The following ZMAT4 variants were observed in gnomAD, a reference collection of about 807,000 sequenced individuals.
ZMAT4 encodes zinc finger matrin-type protein 4.
Under a neutral mutation model 28.7 loss-of-function variants are expected in ZMAT4, and 17 were observed. That is an observed-to-expected ratio of 0.59 (90% CI 0.41 to 0.89). The LOEUF (loss-of-function observed/expected upper bound fraction) is 0.89, where lower values mean the gene tolerates loss of function less well. Ranked by LOEUF, ZMAT4 falls within the 40% of genes least tolerant of loss-of-function variation. The pLI, the probability that ZMAT4 is intolerant of heterozygous loss-of-function variation, is 0.00. For synonymous variants in ZMAT4, 117 were observed against 109.2 expected (o/e 1.07, Z -0.44); for missense variants, 240 against 283.8 (o/e 0.85, Z 1.11).
At chr8:40,662,206 C>A (rs564830499) in intron 5 of ZMAT4, among the ~76,000 whole-genome samples, 1 of 152,000 alleles carries the variant, frequency 6.6e-6, no homozygotes, top group South Asian at 2.1e-4. Flanking sequence ...CTCTCGAATT[C>A]CCGTGCTCAA....
At chr8:40,827,524 A>T (rs1816108742) in intron 1 of ZMAT4, among the ~76,000 whole-genome samples, 1 of 152,214 alleles carries the variant, frequency 6.6e-6, no homozygotes, top group Non-Finnish European at 1.5e-5. Flanking sequence ...GTCTGCCTCA[A>T]GTACTCCAAT....
At chr8:40,845,613 T>C (rs187909648) in intron 1 of ZMAT4, among the ~76,000 whole-genome samples, 3 of 151,888 alleles carry the variant, frequency 2.0e-5, no homozygotes, top group East Asian at 3.9e-4. Context: ...CAGGGGCTTA[T>C]GTTCAGGCAA....
chr8:40,640,940 T>C (rs1372832455), intron 5 of ZMAT4, among the ~76,000 whole-genome samples: 1 of 137,226 alleles, frequency 7.3e-6, no homozygotes, highest in East Asian at 2.1e-4. Context: ...GCCTGGTTGA[T>C]GGGGGAGACT....
chr8:40,578,678 G>A (rs1585708837), intron 6 of ZMAT4, among the ~76,000 whole-genome samples: 1 of 152,098 alleles, frequency 6.6e-6, no homozygotes, highest in Non-Finnish European at 1.5e-5. Context: ...TCTAATGGCA[G>A]ATAAAACAGG....
intron 5 of ZMAT4, among the ~76,000 whole-genome samples, chr8:40,651,934 A>C: frequency 1.6e-5 from 2 of 123,276 alleles, no homozygotes; most frequent in African/African-American, 5.9e-5. Context: ...AATCAATTCA[A>C]GATGGATTAA....
At position 40,674,870 on chromosome 8, in the gene ZMAT4, G is replaced by C; in HGVS notation, c.411C>G (p.Pro137=). The change falls in exon 5 of 7, where the codon CCC becomes CCG. Residue 137 remains proline (P), a synonymous_variant. Transcript: ENST00000297737. ...ATCTGTCTGAATCTCTTCTTTGATA[G>C]GGAGATGCGACCACCGGAGCAGTGT... The part of the protein sequence containing the change: ...RMDTAPVVAS[P]YQRRDSDRYC... The C allele has an allele frequency of 1.2e-6, 2 of 1,613,488 alleles. No homozygotes were observed. The highest frequency in any genetic ancestry group is 1.7e-6 in the Non-Finnish European group (2 of 1,179,866).
intron 6 of ZMAT4, among the ~76,000 whole-genome samples, chr8:40,567,087 G>A (rs1335706794): frequency 1.3e-5 from 2 of 152,090 alleles, no homozygotes; most frequent in Non-Finnish European, 2.9e-5. Flanking sequence ...CTTACATAAG[G>A]AAGAGAAAAG....
intron 4 of ZMAT4, among the ~76,000 whole-genome samples, chr8:40,677,584 C>G (rs1447729089): frequency 6.6e-6 from 1 of 152,154 alleles, no homozygotes; most frequent in Non-Finnish European, 1.5e-5. Flanking sequence ...ATTGTGGAAG[C>G]TCTGTCCCTT....
intron 1 of ZMAT4, among the ~76,000 whole-genome samples, chr8:40,844,441 C>T (rs1219885501): frequency 6.6e-6 from 1 of 152,084 alleles, no homozygotes; most frequent in Non-Finnish European, 1.5e-5. Context: ...TTCTCTGGCC[C>T]CTGGGATATG....
intron 1 of ZMAT4, among the ~76,000 whole-genome samples, chr8:40,854,836 G>A (rs1301169242): frequency 6.6e-6 from 1 of 152,092 alleles, no homozygotes; most frequent in African/African-American, 2.4e-5. Context: ...AAAGAAAGGA[G>A]GAGAAATACT....
intron 5 of ZMAT4, among the ~76,000 whole-genome samples, chr8:40,648,572 A>G (rs1338535162): frequency 8.1e-6 from 1 of 123,228 alleles, no homozygotes; most frequent in African/African-American, 3.0e-5. Context: ...AAATACAGAG[A>G]ACGCCACAAA....
At chr8:40,770,407 G>T (rs185597002) in intron 2 of ZMAT4, among the ~76,000 whole-genome samples, 1 of 152,166 alleles carries the variant, frequency 6.6e-6, no homozygotes, top group Non-Finnish European at 1.5e-5. Flanking sequence ...TCGTTCCTGG[G>T]GTTTCTACAG....
chr8:40,713,932 A>G lies in ZMAT4; in HGVS notation c.193-16531T>C, dbSNP rs1012171626. On this transcript the variant is annotated intron_variant, in intron 3 of 6. Coordinates refer to ENST00000297737, the MANE Select transcript of ZMAT4 (RefSeq NM_024645.3). ...CTCAAAAACAAAACCAAAAAAAAAA[A>G]AAAAAAAGAAAAAGAAAAAGAAAAA... Among the ~76,000 whole-genome samples the G allele has an allele frequency of 8.0e-5, 12 of 150,734 alleles. 1 individual carries two copies. The South Asian group carries it at 1.2e-3, about 16-fold the overall frequency.
chr8:40,726,337 G>A lies in ZMAT4; in HGVS notation c.193-28936C>T, dbSNP rs147246813. Reference sequence around the variant, plus strand: ...GGCATCAAGATCGTGGGCTTTTCTAGACAAATAGTTTCAGAGGAGTGTAGC... The same window carrying A: ...GGCATCAAGATCGTGGGCTTTTCTAAACAAATAGTTTCAGAGGAGTGTAGC... On this transcript the variant is annotated intron_variant, in intron 3 of 6. Transcript: ENST00000297737. Among the ~76,000 whole-genome samples, 655 of 152,306 alleles carry A rather than the reference G, an allele frequency of 4.3e-3. 2 individuals are homozygous for A. Among genetic ancestry groups the A allele is most frequent in the Non-Finnish European group, 7.0e-3 (473 of 68,020 alleles).
chr8:40,565,088 T>C (rs1412301889), intron 6 of ZMAT4, among the ~76,000 whole-genome samples: 3 of 152,162 alleles, frequency 2.0e-5, no homozygotes, highest in African/African-American at 7.2e-5. Flanking sequence ...TCAACAGAGA[T>C]TGGACAGATT....
chr8:40,787,310 C>A (rs149256857), intron 2 of ZMAT4, among the ~76,000 whole-genome samples: 11 of 152,210 alleles, frequency 7.2e-5, no homozygotes, highest in Non-Finnish European at 1.6e-4. Context: ...TAGTGCCAAT[C>A]CCCATCGCTG....
chr8:40,640,284 T>C (rs1160414170), intron 5 of ZMAT4, among the ~76,000 whole-genome samples: 2 of 152,182 alleles, frequency 1.3e-5, no homozygotes, highest in African/African-American at 4.8e-5. Context: ...GCCCCTTATA[T>C]CTGTCTTAAT....
At chr8:40,840,544 C>T (rs1394857080) in intron 1 of ZMAT4, among the ~76,000 whole-genome samples, 1 of 152,174 alleles carries the variant, frequency 6.6e-6, no homozygotes, top group African/African-American at 2.4e-5. Flanking sequence ...TGAAGCAGAG[C>T]TCACACAGCC....
chr8:40,776,982 A>G (rs535662001), intron 2 of ZMAT4, among the ~76,000 whole-genome samples: 23 of 149,498 alleles, frequency 1.5e-4, no homozygotes, highest in African/African-American at 5.4e-4. Flanking sequence ...AATGAACCTG[A>G]CCTCCTGGGT....
Sources: gnomAD v4.1 joint callset for allele counts (sites outside exome capture counted in the v4.1 genomes callset) on GRCh38, gnomAD v4.1.1 for gene constraint, MANE v1.5 for transcripts, NCBI Gene and HGNC (gene_info 2026-07-23, HGNC 2026-07-21) for gene names.